TANC2: variants seen among roughly 807,000 people sequenced by gnomAD.
The protein encoded by TANC2 is tetratricopeptide repeat, ankyrin repeat and coiled-coil containing 2.
TANC2 carries 26 observed loss-of-function variants against 210.5 expected under a neutral mutation model. The ratio of observed to expected loss-of-function variants is 0.12; its 90% CI spans 0.09 to 0.17. The LOEUF is 0.17. Among genes scored for constraint, TANC2 ranks in the 10% least tolerant of loss-of-function variants. TANC2 has a pLI of 1.00. For synonymous variants in TANC2, 931 were observed against 967.1 expected (o/e 0.96, Z 0.69); for missense variants, 2,129 against 2,608.9 (o/e 0.82, Z 4.01).
rs778659308 is a variant in TANC2, at chr17:63,420,470, A to C, written c.4740A>C (p.Ser1580=). 6.2e-6 allele frequency: 10 copies of C among 1,613,908 alleles called. No homozygotes were observed. Among genetic ancestry groups the C allele is most frequent in the Non-Finnish European group, 8.5e-6 (10 of 1,179,872 alleles). ...CCCTTTCTCCAACTCATCAGAACTC[A>C]CATTACAGGCCTAGCCCACCACACA... Residue 1580 remains serine (S), a synonymous_variant, in exon 28 of 28, where the codon TCA becomes TCC. Transcript: ENST00000689528. The surrounding 1 kb of genome is among the most constrained non-coding windows in gnomAD (Gnocchi z 4.2).
At chr17:63,234,172 C>G (rs2146026437) in intron 7 of TANC2, among the ~76,000 whole-genome samples, 1 of 152,284 alleles carries the variant, frequency 6.6e-6, no homozygotes, top group South Asian at 2.1e-4. Context: ...TGATTGATCT[C>G]TTGCACCTAT....
At chr17:63,414,888 C>G (rs2048812726) in intron 25 of TANC2, among the ~76,000 whole-genome samples, 1 of 152,234 alleles carries the variant, frequency 6.6e-6, no homozygotes, top group Non-Finnish European at 1.5e-5. Flanking sequence ...TTTACTTCCT[C>G]TTGGATAATC....
At chr17:63,240,525 C>T (rs548917340) in intron 8 of TANC2, among the ~76,000 whole-genome samples, 6 of 152,118 alleles carry the variant, frequency 3.9e-5, no homozygotes, top group Non-Finnish European at 5.9e-5. Flanking sequence ...TTCCCTTAGC[C>T]CCAAGTGTAT....
chr17:63,335,422 C>G (rs1318676036), intron 11 of TANC2, among the ~76,000 whole-genome samples: 1 of 151,894 alleles, frequency 6.6e-6, no homozygotes, highest in Non-Finnish European at 1.5e-5. Context: ...ACCAGCCTGG[C>G]CAATATAGTG....
intron 7 of TANC2, among the ~76,000 whole-genome samples, chr17:63,214,991 T>C (rs1027189053): frequency 2.0e-5 from 3 of 152,148 alleles, no homozygotes; most frequent in Admixed American, 2.0e-4. Context: ...TAAACAAAGA[T>C]TTAGGTCCTT....
chr17:63,419,536 A>G (rs1381044387), intron 27 of TANC2, among the ~76,000 whole-genome samples: 1 of 152,228 alleles, frequency 6.6e-6, no homozygotes, highest in Non-Finnish European at 1.5e-5. Flanking sequence ...TCTTGCCTAG[A>G]GTAGAACAGG....
At chr17:63,209,624 A>G (rs2041825941) in intron 7 of TANC2, among the ~76,000 whole-genome samples, 2 of 151,820 alleles carry the variant, frequency 1.3e-5, no homozygotes, top group African/African-American at 4.8e-5. Context: ...TAGTAGAGAC[A>G]GGGTTTCCCT....
chr17:63,260,720 C>CCACGG (rs1283800989), intron 8 of TANC2, among the ~76,000 whole-genome samples: 1 of 151,820 alleles, frequency 6.6e-6, no homozygotes, highest in Non-Finnish European at 1.5e-5. Context: ...CAAAATCACA[C>CCACGG]CACTGCACTC....
chr17:63,371,661 TTAAGAC>T (rs1231846110), intron 14 of TANC2, among the ~76,000 whole-genome samples: 7 of 152,178 alleles, frequency 4.6e-5, no homozygotes, highest in South Asian at 4.1e-4. Flanking sequence ...AAGAGAAACT[TTAAGAC>T]TAGCTATCTC....
intron 14 of TANC2, among the ~76,000 whole-genome samples, chr17:63,372,129 T>G (rs970536821): frequency 4.6e-5 from 7 of 152,202 alleles, no homozygotes; most frequent in African/African-American, 1.4e-4. Context: ...AAATATACCT[T>G]GAATATAAGA....
rs544092377 is a variant in TANC2, at chr17:63,119,571, G to A, written c.322+20214G>A. ...TCACATTTTAACTATTGCTCTGCAAGTAAATAAAATAGGAATTTTAAATTT... is the reference window on the plus strand; with the variant it reads ...TCACATTTTAACTATTGCTCTGCAAATAAATAAAATAGGAATTTTAAATTT... On this transcript the variant is annotated intron_variant, in intron 4 of 27. Coordinates refer to ENST00000689528, the Ensembl canonical transcript of TANC2. Among the ~76,000 whole-genome samples the A allele has an allele frequency of 7.2e-5, 11 of 152,286 alleles. No individual in the cohort carries two copies. In the South Asian group the frequency reaches 2.3e-3, roughly 32 times the overall value.
At position 63,164,129 on chromosome 17, in the gene TANC2, CT is replaced by C. The variant is rs529912657; in HGVS notation, c.433+12768del. ...CAAATCTTAGCTGCAGCATCAGCAG[CT>C]TTTTTTTTTTTTTTTTTTGTAAGAG... On this transcript the variant is annotated intron_variant, in intron 5 of 27. Transcript: ENST00000689528. Among the ~76,000 whole-genome samples, 655 of 126,792 alleles carry C rather than the reference CT, an allele frequency of 5.2e-3. 4 individuals carry two copies. The highest frequency in any genetic ancestry group is 0.015 in the African/African-American group (533 of 34,618). 83.2% of individuals were successfully genotyped at this position (126,792 alleles called of 152,430 possible). A position where few individuals can be genotyped will look rare whatever the true frequency, so the allele number is the denominator to read the frequency against.
chr17:63,272,663 T>C (rs1407265143), intron 9 of TANC2, among the ~76,000 whole-genome samples: 2 of 152,180 alleles, frequency 1.3e-5, no homozygotes, highest in South Asian at 4.1e-4. Context: ...CTGATAGAGA[T>C]AATTCACCTA....
At chr17:63,375,471 A>G (rs1287428257) in intron 14 of TANC2, among the ~76,000 whole-genome samples, 1 of 152,194 alleles carries the variant, frequency 6.6e-6, no homozygotes, top group African/African-American at 2.4e-5. Context: ...CTGAAAGTTC[A>G]TTTCCTTGTC....
chr17:63,093,444 A>G lies in TANC2; in HGVS notation c.140-5731A>G, dbSNP rs142252912. ...GCTATATGTGTGGTTCTTTTTCTGG[A>G]TGCTCTAGACTGTTTCATTCATTTT... is the stretch of plus-strand genomic sequence containing the variant. On this transcript the variant is annotated intron_variant, in intron 3 of 27. Transcript: ENST00000689528. Among the ~76,000 whole-genome samples the G allele has an allele frequency of 5.7e-4, 87 of 152,114 alleles. 1 individual carries two copies. The East Asian group carries it at 0.016, about 28-fold the overall frequency.
intron 3 of TANC2, among the ~76,000 whole-genome samples, chr17:63,077,677 G>T (rs766076806): frequency 2.0e-5 from 3 of 152,168 alleles, no homozygotes; most frequent in Non-Finnish European, 4.4e-5. Flanking sequence ...GATAAATAAT[G>T]TGTAAGAAAG....
Position 63,420,916 on chromosome 17 carries a change from A to C in TANC2, c.5186A>C (p.Gln1729Pro). 1.2e-6 allele frequency: 2 copies of C among 1,614,024 alleles called. No individual in the cohort carries two copies. Among genetic ancestry groups the C allele is most frequent in the Non-Finnish European group, 1.7e-6 (2 of 1,179,896 alleles). Residue 1729 changes from glutamine to proline, a missense_variant, in exon 28 of 28, where the codon CAG becomes CCG. Gln to Pro is a moderately conservative substitution (Grantham distance 76). Around this residue, in one of 5 missense-constraint regions of TANC2, gnomAD observed 584 missense variants for 627.3 expected, o/e 0.93. Transcript: ENST00000689528. The surrounding 1 kb of genome is among the most constrained non-coding windows in gnomAD (Gnocchi z 4.2). ...GCCCATTCAATGGCCAGTAAATACC[A>C]GTCTTCACAAGGAGACATAGGAGTC...
At chr17:63,288,850 C>G (rs1359259542) in intron 9 of TANC2, among the ~76,000 whole-genome samples, 2 of 152,112 alleles carry the variant, frequency 1.3e-5, no homozygotes, top group African/African-American at 4.8e-5. Flanking sequence ...CTCTAAAGAA[C>G]TTTTCTTAAC....
intron 5 of TANC2, among the ~76,000 whole-genome samples, chr17:63,159,432 A>G (rs928687164): frequency 4.0e-5 from 6 of 151,668 alleles, no homozygotes; most frequent in Non-Finnish European, 7.3e-5. Context: ...AGCTAAAATA[A>G]GAAAATATAC....
Sources: allele counts gnomAD v4.1 joint callset (sites outside exome capture counted in the v4.1 genomes callset), GRCh38; gene constraint gnomAD v4.1.1; regional missense constraint gnomAD v4.1.1; non-coding constraint Gnocchi (gnomAD v3.1); transcripts MANE v1.5; gene names NCBI Gene and HGNC (gene_info 2026-07-23, HGNC 2026-07-21).